The following NAV1 variants were observed in gnomAD, a reference collection of about 807,000 sequenced individuals.
The protein encoded by NAV1 is pore membrane and/or filament interacting like protein 3.
A neutral mutation model predicts 175.2 loss-of-function variants in NAV1; 18 were observed. The ratio of observed to expected loss-of-function variants is 0.10; its 90% CI spans 0.07 to 0.15. The LOEUF (loss-of-function observed/expected upper bound fraction) is 0.15. Among genes scored for constraint, NAV1 ranks in the 10% least tolerant of loss-of-function variants. NAV1 has a pLI of 1.00. For synonymous variants in NAV1, 897 were observed against 978.7 expected, an observed-to-expected ratio of 0.92 and a Z score of 1.56; for missense variants, 1,731 against 2,436.6, an observed-to-expected ratio of 0.71 and a Z score of 6.10.
intron 3 of NAV1, chr1:201,733,446 A>G (rs1490579475): frequency 6.6e-6 from 1 of 152,242 alleles, no homozygotes; most frequent in Non-Finnish European, 1.5e-5. Flanking sequence ...TTGGAACAAT[A>G]CAGAGAAGAT....
At chr1:201,593,482 T>A (rs1202227317) in intron 2 of NAV1, among the ~76,000 whole-genome samples, 6 of 152,346 alleles carry the variant, frequency 3.9e-5, no homozygotes, top group Middle Eastern at 6.8e-3. Flanking sequence ...AGTCTGGCCC[T>A]GGGGCAGCAG....
chr1:201,577,139 A>G (rs999825094), intron 1 of NAV1, among the ~76,000 whole-genome samples: 7 of 152,168 alleles, frequency 4.6e-5, no homozygotes, highest in Non-Finnish European at 1.0e-4. Context: ...GGAGTGAACC[A>G]CTATGCCTGG....
intron 1 of NAV1, among the ~76,000 whole-genome samples, chr1:201,547,240 C>A (rs183729779): frequency 6.6e-6 from 1 of 152,084 alleles, no homozygotes; most frequent in African/African-American, 2.4e-5. Context: ...ACGCCCACCT[C>A]GGCCTCCCAA....
chr1:201,705,113 CT>C (rs1671613075), intron 1 of NAV1, among the ~76,000 whole-genome samples: 1 of 152,180 alleles, frequency 6.6e-6, no homozygotes, highest in Non-Finnish European at 1.5e-5. Context: ...GCTACTGCCC[CT>C]CACCCTCTTT....
upstream of NAV1, among the ~76,000 whole-genome samples, chr1:201,645,172 C>A (rs1420827817): frequency 2.0e-5 from 3 of 152,008 alleles, no homozygotes; most frequent in African/African-American, 7.3e-5. Context: ...CAACGATAGA[C>A]TGGATCAAGA....
At chr1:201,542,759 C>G (rs1271405041) in intron 1 of NAV1, among the ~76,000 whole-genome samples, 2 of 152,224 alleles carry the variant, frequency 1.3e-5, no homozygotes, top group East Asian at 3.8e-4. Context: ...ATGAGATGCA[C>G]TAATATGCAT....
Position 201,810,373 on chromosome 1 carries a change from T to C in NAV1, c.4562-150T>C. 1 of 824,574 alleles carries C rather than the reference T, an allele frequency of 1.2e-6. No individual in the cohort carries two copies. The highest frequency in any genetic ancestry group is 1.9e-5 in the South Asian group (1 of 53,396). 51.1% of individuals were successfully genotyped at this position (824,574 alleles called of 1,614,324 possible). On this transcript the variant is annotated intron_variant, in intron 23 of 29. Coordinates refer to ENST00000367296, the Ensembl canonical transcript of NAV1. This position sits in a 1 kb window ranked among gnomAD's most constrained non-coding sequence, Gnocchi z 6.0. ...AAAAGAAGATCTAAGTTTTCAAAACTAGGGGTTAAGGGACTCTTATGGAAC... is the reference window on the plus strand; with the variant it reads ...AAAAGAAGATCTAAGTTTTCAAAACCAGGGGTTAAGGGACTCTTATGGAAC...
intron 15 of NAV1, among the ~76,000 whole-genome samples, chr1:201,802,208 G>C (rs1189756072): frequency 6.8e-6 from 1 of 146,374 alleles, no homozygotes; most frequent in East Asian, 2.0e-4. Flanking sequence ...GAGAAGCTGA[G>C]GCAGGAAAAT....
intron 1 of NAV1, among the ~76,000 whole-genome samples, chr1:201,657,798 G>A (rs1254715856): frequency 3.9e-5 from 6 of 152,224 alleles, no homozygotes; most frequent in African/African-American, 1.4e-4. Context: ...TTGGGAGGCC[G>A]AGGCAGGTGG....
chr1:201,723,040 G>A (rs1181785926), intron 3 of NAV1, among the ~76,000 whole-genome samples: 1 of 152,252 alleles, frequency 6.6e-6, no homozygotes, highest in Non-Finnish European at 1.5e-5. Context: ...TAACCCAGGA[G>A]GCGGAGGTTG....
intron 15 of NAV1, among the ~76,000 whole-genome samples, chr1:201,802,221 T>G (rs1571507401): frequency 7.1e-6 from 1 of 141,494 alleles, no homozygotes; most frequent in Non-Finnish European, 1.5e-5. Flanking sequence ...AGGAAAATCG[T>G]TTGAACCCAG....
At chr1:201,800,741 T>C (rs1488137176) in intron 15 of NAV1, among the ~76,000 whole-genome samples, 2 of 150,276 alleles carry the variant, frequency 1.3e-5, no homozygotes, top group African/African-American at 4.9e-5. Flanking sequence ...TCTGTGTATA[T>C]ACAAACAAAC....
chr1:201,814,175 G>A (rs1298658869), intron 28 of NAV1, among the ~76,000 whole-genome samples: 1 of 152,058 alleles, frequency 6.6e-6, no homozygotes, highest in Non-Finnish European at 1.5e-5. Context: ...GAGCCCAGGA[G>A]CTTGGGCAAC....
At chr1:201,644,713 G>T (rs1002001230), upstream of NAV1, among the ~76,000 whole-genome samples, 2 of 152,224 alleles carry the variant, frequency 1.3e-5, no homozygotes, top group African/African-American at 4.8e-5. Flanking sequence ...GTGGTAGGGA[G>T]GAGGCTTCTC....
chr1:201,730,903 G>T (rs1196745126), intron 3 of NAV1, among the ~76,000 whole-genome samples: 1 of 152,230 alleles, frequency 6.6e-6, no homozygotes, highest in Non-Finnish European at 1.5e-5. Context: ...AGGCCAGCAG[G>T]CCAGGCAGAG....
intron 1 of NAV1, among the ~76,000 whole-genome samples, chr1:201,560,936 C>T (rs1220917318): frequency 2.0e-5 from 3 of 152,230 alleles, no homozygotes; most frequent in Non-Finnish European, 4.4e-5. Flanking sequence ...GTCAGCATTT[C>T]CGTTGCATTT....
chr1:201,601,184 A>G (rs934952003), intron 2 of NAV1, among the ~76,000 whole-genome samples: 1 of 152,208 alleles, frequency 6.6e-6, no homozygotes, highest in Non-Finnish European at 1.5e-5. Flanking sequence ...CTCTTCAACA[A>G]TCATGTTGGA....
rs77068286 is a variant in NAV1, at chr1:201,666,584, G to T, written c.757+17159G>T. Among the ~76,000 whole-genome samples, 165 of 152,294 alleles carry T rather than the reference G, an allele frequency of 1.1e-3. 3 individuals are homozygous for T. The East Asian group carries it at 0.03, about 28-fold the overall frequency. On this transcript the variant is annotated intron_variant, in intron 1 of 29. Transcript: ENST00000367296. ...ATGATAAATAAGAGCCAGGAGTGAT[G>T]GGCGGAGGAAGCCAGGGCCATCTCC...
chr1:201,770,705 C>T (rs1380951120), intron 3 of NAV1, among the ~76,000 whole-genome samples: 2 of 152,110 alleles, frequency 1.3e-5, no homozygotes, highest in East Asian at 3.9e-4. Flanking sequence ...AGCTGAATTT[C>T]CTACAAACTT....
Sources: gnomAD v4.1 joint callset for allele counts (sites outside exome capture counted in the v4.1 genomes callset) on GRCh38, gnomAD v4.1.1 for gene constraint, Gnocchi (gnomAD v3.1) non-coding constraint, MANE v1.5 for transcripts, NCBI Gene and HGNC (gene_info 2026-07-23, HGNC 2026-07-21) for gene names.